Variants in PRKG1 observed in about 807,000 individuals in gnomAD.
The protein encoded by PRKG1 is cGMP-dependent protein kinase 1.
PRKG1 carries 35 observed loss-of-function variants against 88.1 expected under a neutral mutation model. The ratio of observed to expected loss-of-function variants is 0.40; its 90% CI spans 0.30 to 0.53. The LOEUF (loss-of-function observed/expected upper bound fraction) is 0.53. Among genes scored for constraint, PRKG1 ranks in the 20% least tolerant of loss-of-function variants. The pLI, the probability that PRKG1 is intolerant of heterozygous loss-of-function variation, is 0.59. For missense variants in PRKG1, 540 were observed against 839.8 expected, an observed-to-expected ratio of 0.64 and a Z score of 4.41; for synonymous variants, 303 against 292.5, an observed-to-expected ratio of 1.04 and a Z score of -0.37.
chr10:51,071,636 C>T (rs539212024), upstream of PRKG1, among the ~76,000 whole-genome samples: 1 of 152,164 alleles, frequency 6.6e-6, no homozygotes, highest in Non-Finnish European at 1.5e-5. Context: ...TTTAGATATG[C>T]CAGCTTAAAT....
intron 3 of PRKG1, among the ~76,000 whole-genome samples, chr10:51,490,341 A>G (rs1038074697): frequency 6.6e-6 from 1 of 152,172 alleles, no homozygotes; most frequent in African/African-American, 2.4e-5. Flanking sequence ...TACATTTACT[A>G]ATATGTATTT....
chr10:52,200,932 C>T (rs1183297234), intron 9 of PRKG1, among the ~76,000 whole-genome samples: 1 of 152,014 alleles, frequency 6.6e-6, no homozygotes, highest in Non-Finnish European at 1.5e-5. Flanking sequence ...TGTTTAAATT[C>T]CTTATAGATT....
chr10:51,761,830 A>C (rs1445240919), intron 3 of PRKG1, among the ~76,000 whole-genome samples: 1 of 152,204 alleles, frequency 6.6e-6, no homozygotes, highest in Non-Finnish European at 1.5e-5. Flanking sequence ...CTGTCTTTCT[A>C]AGACACAAAT....
intron 2 of PRKG1, among the ~76,000 whole-genome samples, chr10:51,217,808 T>C (rs555907140): frequency 5.3e-5 from 8 of 152,278 alleles, no homozygotes; most frequent in African/African-American, 1.9e-4. Flanking sequence ...ATGGCAAATG[T>C]ATAGCAAGAA....
chr10:51,846,320 A>C (rs1054533544), intron 4 of PRKG1, among the ~76,000 whole-genome samples: 1 of 152,188 alleles, frequency 6.6e-6, no homozygotes, highest in African/African-American at 2.4e-5. Flanking sequence ...AAAGAAAGGA[A>C]AACTAATAAT....
At chr10:51,249,724 C>T (rs986981238) in intron 2 of PRKG1, among the ~76,000 whole-genome samples, 1 of 151,790 alleles carries the variant, frequency 6.6e-6, no homozygotes, top group Non-Finnish European at 1.5e-5. Context: ...TACAATTTTT[C>T]ATTCAACAGT....
chr10:51,439,052 C>T (rs2132743182), intron 2 of PRKG1, among the ~76,000 whole-genome samples: 1 of 150,924 alleles, frequency 6.6e-6, no homozygotes, highest in African/African-American at 2.4e-5. Flanking sequence ...AGTTTCAGAT[C>T]TGAATTTTGA....
intron 10 of PRKG1, among the ~76,000 whole-genome samples, chr10:52,268,261 AC>A (rs1461319502): frequency 6.6e-6 from 1 of 152,090 alleles, no homozygotes; most frequent in African/African-American, 2.4e-5. Context: ...AGTTCTATAA[AC>A]TTTTTGTAAT....
intron 4 of PRKG1, among the ~76,000 whole-genome samples, chr10:51,804,991 C>T (rs1377506437): frequency 6.6e-6 from 1 of 151,952 alleles, no homozygotes; most frequent in Admixed American, 6.6e-5. Context: ...TAGAAGTGAG[C>T]AACTCAGAGA....
At chr10:51,201,751 C>G (rs1214171327) in intron 2 of PRKG1, among the ~76,000 whole-genome samples, 1 of 152,142 alleles carries the variant, frequency 6.6e-6, no homozygotes, top group Non-Finnish European at 1.5e-5. Context: ...ACAACAGAAG[C>G]TGTGGGTCTG....
At chr10:52,262,432 G>C (rs1453561616) in intron 10 of PRKG1, among the ~76,000 whole-genome samples, 1 of 151,924 alleles carries the variant, frequency 6.6e-6, no homozygotes, top group African/African-American at 2.4e-5. Context: ...TGCCATGCCT[G>C]GCTAATTTTT....
At chr10:51,790,935 A>G (rs1341601105) in intron 3 of PRKG1, among the ~76,000 whole-genome samples, 1 of 152,126 alleles carries the variant, frequency 6.6e-6, no homozygotes, top group Non-Finnish European at 1.5e-5. Context: ...TAGTTGGTCT[A>G]CTTGAACACT....
intron 2 of PRKG1, among the ~76,000 whole-genome samples, chr10:51,434,062 A>G (rs943801445): frequency 2.2e-4 from 34 of 152,124 alleles, no homozygotes; most frequent in African/African-American, 8.0e-4. Flanking sequence ...CAAGTCCAGA[A>G]TGCTTTTCCC....
chr10:51,412,472 A>G (rs1838121862), intron 2 of PRKG1, among the ~76,000 whole-genome samples: 1 of 151,902 alleles, frequency 6.6e-6, no homozygotes, highest in African/African-American at 2.4e-5. Flanking sequence ...GTGAAAACCC[A>G]TCTCTACTAA....
At chr10:51,503,087 T>A (rs1841079554) in intron 3 of PRKG1, among the ~76,000 whole-genome samples, 2 of 152,114 alleles carry the variant, frequency 1.3e-5, no homozygotes, top group South Asian at 2.1e-4. Flanking sequence ...TCATACTCTA[T>A]CCTTCTTTAA....
At chr10:51,444,084 G>C (rs1839200484) in intron 2 of PRKG1, among the ~76,000 whole-genome samples, 1 of 150,994 alleles carries the variant, frequency 6.6e-6, no homozygotes, top group African/African-American at 2.4e-5. Context: ...ATGATCAGAG[G>C]AGGAAAAAAG....
intron 2 of PRKG1, among the ~76,000 whole-genome samples, chr10:51,332,936 C>T (rs1351255200): frequency 1.3e-5 from 2 of 152,286 alleles, no homozygotes; most frequent in African/African-American, 2.4e-5. Flanking sequence ...CTAACTAGAG[C>T]AGAGAGTGCT....
At chr10:51,590,790 T>C (rs1313423663) in intron 3 of PRKG1, among the ~76,000 whole-genome samples, 1 of 151,558 alleles carries the variant, frequency 6.6e-6, no homozygotes, top group Non-Finnish European at 1.5e-5. Context: ...TCTTCTGTTC[T>C]TCTGTAACCT....
Position 52,035,439 on chromosome 10 carries a change from A to G in PRKG1, c.763-19045A>G, listed in dbSNP as rs868169382. Among the ~76,000 whole-genome samples the G allele has an allele frequency of 2.4e-3, 372 of 152,270 alleles. 2 individuals carry two copies. The highest frequency in any genetic ancestry group is 8.2e-3 in the African/African-American group (341 of 41,550). On this transcript the variant is annotated intron_variant, in intron 5 of 17. Transcript: ENST00000373980. ...AAGGAAATGAGAGGTTCTAAGAGGC[A>G]GGCTAGTGGCTTGTACTATAGCATA... is the stretch of plus-strand genomic sequence containing the variant.
Sources: allele counts gnomAD v4.1 joint callset (sites outside exome capture counted in the v4.1 genomes callset), GRCh38; gene constraint gnomAD v4.1.1; transcripts MANE v1.5; gene names NCBI Gene and HGNC (gene_info 2026-07-23, HGNC 2026-07-21).